CEACAM21: variants seen among roughly 807,000 people sequenced by gnomAD.
CEACAM21 encodes CEA cell adhesion molecule 21, also known as cell adhesion molecule CEACAM21.
A neutral mutation model predicts 33.2 loss-of-function variants in CEACAM21; 38 were observed. The ratio of observed to expected loss-of-function variants is 1.14; its 90% confidence interval spans 0.88 to 1.50. The LOEUF (loss-of-function observed/expected upper bound fraction) is 1.50, where lower values mean the gene tolerates loss of function less well. Ranked by LOEUF, CEACAM21 falls within the 40% of genes most tolerant of loss-of-function variation. CEACAM21 has a pLI of 0.00. For synonymous variants in CEACAM21, 156 were observed against 143.0 expected, an observed-to-expected ratio of 1.09 and a Z score of -0.65; for missense variants, 385 against 364.6, an observed-to-expected ratio of 1.06 and a Z score of -0.46.
upstream of CEACAM21, among the ~76,000 whole-genome samples, chr19:41,575,588 C>G (rs1555790716): frequency 6.6e-6 from 1 of 152,212 alleles, no homozygotes; most frequent in Admixed American, 6.5e-5. Context: ...TCACCAAGGA[C>G]AGCAGAACCC....
chr19:41,549,898 G>GA (rs1181205650), intron 1 of CEACAM21, among the ~76,000 whole-genome samples: 6 of 151,684 alleles, frequency 4.0e-5, no homozygotes, highest in Non-Finnish European at 7.4e-5. Context: ...ATCCTTTCCG[G>GA]AAAAAAATAT....
At chr19:41,557,278 G>C (rs2041590568) in intron 1 of CEACAM21, among the ~76,000 whole-genome samples, 1 of 152,142 alleles carries the variant, frequency 6.6e-6, no homozygotes, top group African/African-American at 2.4e-5. Flanking sequence ...AGACAAATCT[G>C]TGGGTCCTCC....
intron 1 of CEACAM21, among the ~76,000 whole-genome samples, chr19:41,556,590 C>T (rs909291695): frequency 9.9e-5 from 15 of 152,074 alleles, no homozygotes; most frequent in Non-Finnish European, 2.2e-4. Flanking sequence ...ACTCTTTAAA[C>T]TTTTTTTTAC....
intron 5 of CEACAM21, 127 bp downstream of exon 5, chr19:41,585,622 C>T (rs2070678591): frequency 1.7e-6 from 2 of 1,180,168 alleles, no homozygotes; most frequent in African/African-American, 1.5e-5. Flanking sequence ...TCCCATAAAA[C>T]ATCACACAGG....
chr19:41,561,587 T>C (rs1555786838), intron 1 of CEACAM21, among the ~76,000 whole-genome samples: 3 of 152,204 alleles, frequency 2.0e-5, no homozygotes, highest in Admixed American at 2.0e-4. Context: ...GACAAGCCAA[T>C]TCTAAAATTC....
chr19:41,564,218 G>GGTAACAT (rs575376024), intron 1 of CEACAM21, among the ~76,000 whole-genome samples: 113 of 152,154 alleles, frequency 7.4e-4, no homozygotes, highest in African/African-American at 2.6e-3. Context: ...CTAGCCCTGT[G>GGTAACAT]GTAACATTTC....
chr19:41,566,743 G>T (rs1270315623), intron 2 of CEACAM21, among the ~76,000 whole-genome samples: 2 of 152,118 alleles, frequency 1.3e-5, no homozygotes, highest in Non-Finnish European at 2.9e-5. Context: ...TTGAAAATTT[G>T]TTAAAATTCA....
At chr19:41,563,189 C>T (rs567968440) in intron 1 of CEACAM21, among the ~76,000 whole-genome samples, 30 of 152,134 alleles carry the variant, frequency 2.0e-4, no homozygotes, top group Non-Finnish European at 4.0e-4. Context: ...GGATACACAG[C>T]AGAGTTGGGG....
chr19:41,571,782 G>A (rs2042629081), upstream of CEACAM21, among the ~76,000 whole-genome samples: 1 of 152,186 alleles, frequency 6.6e-6, no homozygotes, highest in Admixed American at 6.5e-5. Flanking sequence ...CCAGCCCTGG[G>A]CCTTCTCTGA....
intron 2 of CEACAM21, among the ~76,000 whole-genome samples, chr19:41,568,924 T>A (rs1600206052): frequency 6.6e-6 from 1 of 152,364 alleles, no homozygotes; most frequent in South Asian, 2.1e-4. Context: ...GTTCTTCCAA[T>A]TCATGAACAT....
intron 1 of CEACAM21, among the ~76,000 whole-genome samples, chr19:41,560,253 C>T (rs551378061): frequency 2.0e-5 from 3 of 152,122 alleles, no homozygotes; most frequent in Non-Finnish European, 2.9e-5. Flanking sequence ...GACAGGGTCT[C>T]GCTCTGTCAT....
chr19:41,580,487 A>G (rs1157888267), intron 3 of CEACAM21, among the ~76,000 whole-genome samples: 1 of 152,160 alleles, frequency 6.6e-6, no homozygotes. Context: ...AGAGCTTCTT[A>G]TGACTGGCTT....
intron 1 of CEACAM21, chr19:41,549,676 T>C (rs1555783781): frequency 6.6e-6 from 1 of 152,220 alleles, no homozygotes; most frequent in Non-Finnish European, 1.5e-5. Context: ...TGGTGTTTTT[T>C]TGTTTTGTTT....
intron 1 of CEACAM21, among the ~76,000 whole-genome samples, chr19:41,559,522 C>T (rs980261074): frequency 6.6e-6 from 1 of 151,596 alleles, no homozygotes. Flanking sequence ...AAGAAAAGAG[C>T]AATGTTTCAA....
chr19:41,577,096 C>G, intron 1 of CEACAM21, 104 bp from the exon 2 acceptor site: 1 of 1,308,658 alleles, frequency 7.6e-7, no homozygotes, highest in East Asian at 2.4e-5. Context: ...CACACACACA[C>G]ACACCCTCTA....
chr19:41,582,044 A>G (rs1316648099), intron 3 of CEACAM21, among the ~76,000 whole-genome samples: 1 of 152,244 alleles, frequency 6.6e-6, no homozygotes, highest in East Asian at 1.9e-4. Context: ...ATCAAAAGCA[A>G]GCTTAGTTAC....
intron 1 of CEACAM21, among the ~76,000 whole-genome samples, chr19:41,556,238 T>A (rs1273216185): frequency 6.6e-6 from 1 of 152,236 alleles, no homozygotes; most frequent in Non-Finnish European, 1.5e-5. Flanking sequence ...TAAAAAGAAG[T>A]GAGCAGAGGA....
At chr19:41,585,235 AG>A (rs1403102094) in intron 4 of CEACAM21, among the ~76,000 whole-genome samples, 1 of 152,032 alleles carries the variant, frequency 6.6e-6, no homozygotes, top group Non-Finnish European at 1.5e-5. Flanking sequence ...TCTGCCTGAG[AG>A]TCCTTCCCCT....
At chr19:41,559,620 T>G (rs1038861935) in intron 1 of CEACAM21, among the ~76,000 whole-genome samples, 1 of 152,130 alleles carries the variant, frequency 6.6e-6, no homozygotes, top group Non-Finnish European at 1.5e-5. Context: ...AGATGTTCTT[T>G]AAAAAGCAAA....
Sources: allele counts gnomAD v4.1 joint callset (sites outside exome capture counted in the v4.1 genomes callset), GRCh38; gene constraint gnomAD v4.1.1; transcripts MANE v1.5; gene names NCBI Gene and HGNC (gene_info 2026-07-23, HGNC 2026-07-21).